Variants in ELP4 observed in about 807,000 individuals in gnomAD.
The protein encoded by ELP4 is elongator acetyltransferase complex subunit 4, also known as elongator complex protein 4.
ELP4 carries 51 observed loss-of-function variants against 48.9 expected under a neutral mutation model. That is an observed-to-expected ratio of 1.04 (90% CI 0.83 to 1.32). ELP4 has a LOEUF of 1.32. Ranked by LOEUF, ELP4 falls within the 40% of genes most tolerant of loss-of-function variation. ELP4 has a pLI of 0.00. For synonymous variants in ELP4, 210 were observed against 189.2 expected, an observed-to-expected ratio of 1.11 and a Z score of -0.90; for missense variants, 519 against 514.6, an observed-to-expected ratio of 1.01 and a Z score of -0.08.
intron 5 of ELP4, among the ~76,000 whole-genome samples, chr11:31,623,390 T>TATATATATATATATATAAAA (rs67986763): frequency 2.3e-4 from 21 of 92,580 alleles, no homozygotes; most frequent in African/African-American, 6.8e-4. Context: ...TATATATATA[T>TATATATATATATATATAAAA]AAAACTAGAA....
chr11:31,562,226 C>T (rs1592118522), intron 3 of ELP4, among the ~76,000 whole-genome samples: 1 of 152,126 alleles, frequency 6.6e-6, no homozygotes. Flanking sequence ...GTTTCTAATA[C>T]AATATTTTTA....
intron 9 of ELP4, among the ~76,000 whole-genome samples, chr11:31,660,130 G>A (rs1435528340): frequency 2.6e-5 from 4 of 152,046 alleles, no homozygotes; most frequent in Non-Finnish European, 5.9e-5. Flanking sequence ...AATGAAAAAA[G>A]CTTATCTTTC....
chr11:31,600,372 T>C (rs962727429), intron 4 of ELP4: 1 of 152,180 alleles, frequency 6.6e-6, no homozygotes, highest in Non-Finnish European at 1.5e-5. Flanking sequence ...TCTAATACCA[T>C]GACCTACAAT....
At chr11:31,547,263 A>T (rs1349173212) in intron 3 of ELP4, among the ~76,000 whole-genome samples, 1 of 152,108 alleles carries the variant, frequency 6.6e-6, no homozygotes, top group Non-Finnish European at 1.5e-5. Flanking sequence ...AAAAAAAGAG[A>T]GAAGAATCAA....
At chr11:31,566,412 C>T (rs1384074332) in intron 3 of ELP4, among the ~76,000 whole-genome samples, 1 of 151,862 alleles carries the variant, frequency 6.6e-6, no homozygotes, top group African/African-American at 2.4e-5. Flanking sequence ...TTTCACAAGA[C>T]TTAAAAATCA....
chr11:31,789,140 CA>C lies in ELP4; in HGVS notation c.*5622del, dbSNP rs891780172. 4.9e-6 allele frequency: 1 copy of C among 203,158 alleles called. No individual in the cohort carries two copies. 12.6% of individuals were successfully genotyped at this position (203,158 alleles called of 1,614,324 possible). On this transcript the variant is annotated 3_prime_UTR_variant, in exon 10 of 10. Transcript: ENST00000640961. ...CTAAGAACAATTAACTTTTGCTGGC[CA>C]AAAAAGAAACGTATGATTGCATGAA...
chr11:31,634,865 G>C (rs1160679140), intron 7 of ELP4, among the ~76,000 whole-genome samples: 1 of 151,842 alleles, frequency 6.6e-6, no homozygotes, highest in Non-Finnish European at 1.5e-5. Context: ...AAAGAATTAA[G>C]ACATATTCCT....
At chr11:31,765,672 C>A (rs2134260892) in intron 9 of ELP4, among the ~76,000 whole-genome samples, 1 of 151,908 alleles carries the variant, frequency 6.6e-6, no homozygotes, top group East Asian at 1.9e-4. Flanking sequence ...ACAATAGATC[C>A]CCTGGACAAT....
intron 3 of ELP4, among the ~76,000 whole-genome samples, chr11:31,545,070 A>G (rs541587701): frequency 6.6e-6 from 1 of 152,260 alleles, no homozygotes; most frequent in African/African-American, 2.4e-5. Context: ...GAGGAGAAAA[A>G]GCAGAGCACC....
intron 5 of ELP4, among the ~76,000 whole-genome samples, chr11:31,611,970 C>A (rs1957988685): frequency 1.3e-5 from 2 of 152,134 alleles, no homozygotes; most frequent in South Asian, 4.1e-4. Context: ...GCAATGGGCA[C>A]TGGGCCAAGA....
chr11:31,747,284 C>T (rs1011973879), intron 9 of ELP4, among the ~76,000 whole-genome samples: 2 of 151,916 alleles, frequency 1.3e-5, no homozygotes, highest in African/African-American at 4.8e-5. Context: ...AGATCTGGGG[C>T]CAAGTGGAGG....
At position 31,623,863 on chromosome 11, in the gene ELP4, G is replaced by A. The variant is rs538291157; in HGVS notation, c.654-3247G>A. Among the ~76,000 whole-genome samples, 5 of 90,218 alleles carry A rather than the reference G, an allele frequency of 5.5e-5. No homozygotes were observed. In the South Asian group the frequency reaches 1.1e-3, roughly 20 times the overall value. The allele number at this position is 90,218 out of a possible 152,430, so 59.2% of individuals were successfully genotyped here. ...ATTAAGGAACTCAAACAACACAATA[G>A]CATGAAAACAAATAACTCAATTAAA... On this transcript the variant is annotated intron_variant, in intron 5 of 9. Coordinates refer to ENST00000640961, the MANE Select transcript of ELP4 (RefSeq NM_019040.5).
chr11:31,567,753 T>C (rs1410933537), intron 3 of ELP4, among the ~76,000 whole-genome samples: 2 of 152,220 alleles, frequency 1.3e-5, no homozygotes, highest in South Asian at 2.1e-4. Context: ...TACTATACCA[T>C]AGTCTACTAA....
At chr11:31,541,889 G>A (rs537779901) in intron 3 of ELP4, among the ~76,000 whole-genome samples, 1 of 152,270 alleles carries the variant, frequency 6.6e-6, no homozygotes, top group African/African-American at 2.4e-5. Flanking sequence ...GTAATTGGGT[G>A]TTGCAAAGAC....
intron 9 of ELP4, among the ~76,000 whole-genome samples, chr11:31,672,020 T>A (rs1427332410): frequency 6.6e-6 from 1 of 152,018 alleles, no homozygotes; most frequent in Non-Finnish European, 1.5e-5. Flanking sequence ...AGTGTTCATT[T>A]TTGTTTTTCT....
In ELP4 at chr11:31,789,618, C is replaced by A; in HGVS notation, c.*6094C>A. The A allele has an allele frequency of 9.1e-6, 6 of 656,862 alleles. No homozygotes were observed. The highest frequency in any genetic ancestry group is 5.5e-5 in the East Asian group (2 of 36,334). The allele number at this position is 656,862 out of a possible 1,614,324, so 40.7% of individuals were successfully genotyped here. On this transcript the variant is annotated 3_prime_UTR_variant, in exon 10 of 10. Coordinates refer to ENST00000640961, the MANE Select transcript of ELP4 (RefSeq NM_019040.5). ...AACTTCATGACCAACACAGATCAAACATCCATCCAGTCTACATTGTTCTTT... is the reference window on the plus strand; with the variant it reads ...AACTTCATGACCAACACAGATCAAAAATCCATCCAGTCTACATTGTTCTTT...
At chr11:31,726,559 C>A (rs534564235) in intron 9 of ELP4, among the ~76,000 whole-genome samples, 2 of 152,138 alleles carry the variant, frequency 1.3e-5, no homozygotes, top group African/African-American at 2.4e-5. Flanking sequence ...ACAAAAAATT[C>A]TCTGGTCAAA....
intron 3 of ELP4, among the ~76,000 whole-genome samples, chr11:31,550,274 T>G (rs1308859803): frequency 6.6e-6 from 1 of 152,066 alleles, no homozygotes; most frequent in East Asian, 1.9e-4. Flanking sequence ...AAAAATAAAG[T>G]CATTAATGGT....
intron 7 of ELP4, chr11:31,646,800 C>T (rs1945208317): frequency 6.6e-6 from 1 of 151,110 alleles, no homozygotes; most frequent in South Asian, 2.1e-4. Flanking sequence ...GACATCATAG[C>T]ATATAATCAC....
Sources: gnomAD v4.1 joint callset for allele counts (sites outside exome capture counted in the v4.1 genomes callset) on GRCh38, gnomAD v4.1.1 for gene constraint, MANE v1.5 for transcripts, NCBI Gene and HGNC (gene_info 2026-07-23, HGNC 2026-07-21) for gene names.